GALNT13: variants seen among roughly 807,000 people sequenced by gnomAD.
The protein encoded by GALNT13 is polypeptide N-acetylgalactosaminyltransferase 13.
A neutral mutation model predicts 64.2 loss-of-function variants in GALNT13; 28 were observed. The ratio of observed to expected loss-of-function variants is 0.44; its 90% confidence interval spans 0.32 to 0.60. The LOEUF (loss-of-function observed/expected upper bound fraction) is 0.60, where lower values mean the gene tolerates loss of function less well. GALNT13 is among the 20% of genes least tolerant of loss of function. The pLI, the probability that GALNT13 is intolerant of heterozygous loss-of-function variation, is 0.05. For synonymous variants in GALNT13, 214 were observed against 224.6 expected, an observed-to-expected ratio of 0.95 and a Z score of 0.42; for missense variants, 577 against 669.8, an observed-to-expected ratio of 0.86 and a Z score of 1.53.
At chr2:153,564,921 A>G in the GALNT13 span, among the ~76,000 whole-genome samples, 1 of 152,288 alleles carries the variant, frequency 6.6e-6, no homozygotes, top group African/African-American at 2.4e-5. Context: ...GCCAAATTGT[A>G]AACTGCCTAT....
chr2:153,943,447 C>T (rs1691486320), intron 2 of GALNT13, among the ~76,000 whole-genome samples: 1 of 151,744 alleles, frequency 6.6e-6, no homozygotes, highest in African/African-American at 2.4e-5. Context: ...AATATGAGAA[C>T]AATTTTTTCT....
At chr2:154,094,051 A>G (rs891253514) in intron 3 of GALNT13, among the ~76,000 whole-genome samples, 17 of 152,052 alleles carry the variant, frequency 1.1e-4, no homozygotes, top group African/African-American at 3.6e-4. Flanking sequence ...TTCACAAGAT[A>G]CTGCATAGTT....
the GALNT13 span, among the ~76,000 whole-genome samples, chr2:153,508,367 C>A: frequency 1.3e-5 from 2 of 152,078 alleles, no homozygotes; most frequent in Admixed American, 1.3e-4. Flanking sequence ...TCAGACTATC[C>A]TTGGATGGGG....
intron 3 of GALNT13, among the ~76,000 whole-genome samples, chr2:154,053,648 A>G (rs1343687842): frequency 1.3e-5 from 2 of 152,200 alleles, no homozygotes; most frequent in African/African-American, 2.4e-5. Context: ...ATTTTTAAAA[A>G]CATCATTGGT....
upstream of GALNT13, among the ~76,000 whole-genome samples, chr2:153,867,145 T>C (rs1377062582): frequency 6.6e-6 from 1 of 152,204 alleles, no homozygotes; most frequent in African/African-American, 2.4e-5. Flanking sequence ...TGTTGCTAAA[T>C]CTTTGTGTTA....
intron 3 of GALNT13, among the ~76,000 whole-genome samples, chr2:153,961,627 A>G (rs962832464): frequency 1.3e-5 from 2 of 152,206 alleles, no homozygotes; most frequent in Non-Finnish European, 1.5e-5. Flanking sequence ...CCAACTTCAT[A>G]GTTGAGTATT....
chr2:153,637,529 T>C, the GALNT13 span, among the ~76,000 whole-genome samples: 1 of 152,182 alleles, frequency 6.6e-6, no homozygotes, highest in Admixed American at 6.6e-5. Context: ...ATGTTATTAC[T>C]TCTTATCAGG....
chr2:153,270,012 C>A, the GALNT13 span, among the ~76,000 whole-genome samples: 1 of 152,288 alleles, frequency 6.6e-6, no homozygotes, highest in Non-Finnish European at 1.5e-5. Flanking sequence ...CAAACCATAT[C>A]AGTTCCTTAT....
At chr2:154,341,183 AAAT>A (rs1323268941) in intron 9 of GALNT13, among the ~76,000 whole-genome samples, 1 of 152,084 alleles carries the variant, frequency 6.6e-6, no homozygotes, top group African/African-American at 2.4e-5. Context: ...CAAAGGAAAA[AAAT>A]AAAGATCACC....
intron 8 of GALNT13, among the ~76,000 whole-genome samples, chr2:154,291,860 G>A (rs529837564): frequency 6.9e-4 from 105 of 152,356 alleles, no homozygotes; most frequent in African/African-American, 2.5e-3. Context: ...GTCACCTCTC[G>A]ATGTGATTCA....
intron 3 of GALNT13, among the ~76,000 whole-genome samples, chr2:154,068,788 T>A (rs1447133253): frequency 6.6e-6 from 1 of 152,020 alleles, no homozygotes; most frequent in Non-Finnish European, 1.5e-5. Flanking sequence ...TTAGATAGAA[T>A]GAATAATCTC....
the GALNT13 span, among the ~76,000 whole-genome samples, chr2:153,678,156 A>AATATATATATATATATATATAT: frequency 2.1e-4 from 30 of 145,646 alleles, no homozygotes; most frequent in African/African-American, 7.3e-4. Context: ...CCGACAAATG[A>AATATATATATATATATATATAT]ATATATATAT....
intron 3 of GALNT13, among the ~76,000 whole-genome samples, chr2:154,125,669 C>CT (rs1031512263): frequency 2.6e-5 from 4 of 152,088 alleles, no homozygotes; most frequent in African/African-American, 9.7e-5. Flanking sequence ...TGGAAAAACT[C>CT]TAAGGAAAAA....
chr2:154,106,708 A>G (rs1331776702), intron 3 of GALNT13, among the ~76,000 whole-genome samples: 2 of 151,808 alleles, frequency 1.3e-5, no homozygotes, highest in East Asian at 3.9e-4. Context: ...GGGCCTTTCC[A>G]TGTAATCATT....
chr2:154,140,285 G>T, intron 3 of GALNT13, 52 bp from the exon 4 acceptor site: 6 of 1,356,806 alleles, frequency 4.4e-6, no homozygotes, highest in Middle Eastern at 1.8e-4. Flanking sequence ...TATTTATTCA[G>T]TTCATTATCT....
chr2:153,728,591 AAAC>A, the GALNT13 span, among the ~76,000 whole-genome samples: 647 of 152,280 alleles, frequency 4.2e-3, 4 homozygotes, highest in African/African-American at 0.014. Context: ...AGAACTAGAG[AAAC>A]AAGAGAAAAC....
the GALNT13 span, among the ~76,000 whole-genome samples, chr2:153,428,415 A>G: frequency 2.8e-4 from 42 of 152,102 alleles, no homozygotes; most frequent in Middle Eastern, 3.4e-3. Context: ...AACTCATCCC[A>G]CTCATTACTG....
At chr2:153,599,629 C>T in the GALNT13 span, among the ~76,000 whole-genome samples, 1 of 151,910 alleles carries the variant, frequency 6.6e-6, no homozygotes, top group Non-Finnish European at 1.5e-5. Flanking sequence ...TGTTTCACCA[C>T]ATTCATTACT....
chr2:154,166,988 G>A (rs1685066169), intron 4 of GALNT13, among the ~76,000 whole-genome samples: 1 of 151,670 alleles, frequency 6.6e-6, no homozygotes, highest in African/African-American at 2.4e-5. Context: ...GGGGTGGGGG[G>A]AGTGGGGAGG....
Sources: gnomAD v4.1 joint callset for allele counts (sites outside exome capture counted in the v4.1 genomes callset) on GRCh38, gnomAD v4.1.1 for gene constraint, MANE v1.5 for transcripts, NCBI Gene and HGNC (gene_info 2026-07-23, HGNC 2026-07-21) for gene names.